Variants in CACNA1C observed in about 807,000 individuals in gnomAD.
The protein encoded by CACNA1C is calcium voltage-gated channel subunit alpha1 C, also known as voltage-dependent L-type calcium channel subunit alpha-1C.
A neutral mutation model predicts 229.0 loss-of-function variants in CACNA1C; 30 were observed. That is an observed-to-expected ratio of 0.13 (90% CI 0.10 to 0.18). The LOEUF is 0.18. Ranked by LOEUF, CACNA1C falls within the 10% of genes least tolerant of loss-of-function variation. The probability of loss-of-function intolerance (pLI) is 1.00; values close to 1 mark genes in which losing one functional copy is unlikely to be tolerated. For missense variants in CACNA1C, 1,658 were observed against 2,845.0 expected, an observed-to-expected ratio of 0.58 and a Z score of 9.49; for synonymous variants, 1,114 against 1,132.5, an observed-to-expected ratio of 0.98 and a Z score of 0.33.
In CACNA1C at chr12:2,314,955, C is replaced by T. The variant is rs375976126; in HGVS notation, c.478-134021C>T. The stretch of plus-strand genomic sequence containing the variant: ...ATGTAGAAAATGTGAGAACATTTAT[C>T]TCCTCAGCCCCTGCCGACTTGCCTT... On this transcript the variant is annotated intron_variant, in intron 3 of 46. Transcript: ENST00000399655. 3.3e-5 allele frequency among the ~76,000 whole-genome samples: 5 copies of T among 152,244 alleles called. No homozygotes were observed. The South Asian group carries it at 1.0e-3, about 32-fold the overall frequency.
chr12:2,387,564 A>G (rs1254589543), intron 3 of CACNA1C, among the ~76,000 whole-genome samples: 5 of 152,110 alleles, frequency 3.3e-5, no homozygotes, highest in Non-Finnish European at 1.5e-5. Context: ...AAAGAAAGCA[A>G]TGACTAATAA....
intron 3 of CACNA1C, chr12:2,269,829 G>C (rs1184173039): frequency 6.6e-6 from 1 of 152,154 alleles, no homozygotes. Flanking sequence ...GAGGAGGAAG[G>C]GGAGAAAATA....
Position 2,653,924 on chromosome 12 carries a change from C to A in CACNA1C, c.4140+24C>A, listed in dbSNP as rs753490817. 1.9e-6 allele frequency: 3 copies of A among 1,596,492 alleles called. No individual in the cohort carries two copies. The highest frequency in any genetic ancestry group is 1.7e-6 in the Non-Finnish European group (2 of 1,164,512). On this transcript the variant is annotated intron_variant, in intron 33 of 46. Coordinates refer to ENST00000399655, the MANE Select transcript of CACNA1C (RefSeq NM_000719.7). This position sits in a 1 kb window ranked among gnomAD's most constrained non-coding sequence, Gnocchi z 4.7. ...AGGTAGGGAGGCTCCCACCACGGGG[C>A]TCCTGGCCTCCCGCTCTGTCTCTCC...
chr12:2,162,503 A>G lies in CACNA1C; in HGVS notation c.477+42073A>G, dbSNP rs375736347. Among the ~76,000 whole-genome samples, 400 of 152,130 alleles carry G rather than the reference A, an allele frequency of 2.6e-3. 3 individuals carry two copies. Among genetic ancestry groups the G allele is most frequent in the African/African-American group, 9.0e-3 (374 of 41,492 alleles). ...CCACAAAACAAAAAATAAATAAAAG[A>G]AGGAGGAGGCCGTGTCTTTGAGGCA... On this transcript the variant is annotated intron_variant, in intron 3 of 46. Coordinates refer to ENST00000399655, the MANE Select transcript of CACNA1C (RefSeq NM_000719.7).
intron 3 of CACNA1C, among the ~76,000 whole-genome samples, chr12:2,409,064 C>T (rs1432888035): frequency 6.6e-6 from 1 of 152,180 alleles, no homozygotes; most frequent in African/African-American, 2.4e-5. Context: ...TCTTCTTGTC[C>T]TGTTAGTGTC....
At chr12:2,340,691 C>T (rs942054626) in intron 3 of CACNA1C, among the ~76,000 whole-genome samples, 12 of 152,242 alleles carry the variant, frequency 7.9e-5, no homozygotes, top group African/African-American at 2.9e-4. Context: ...GGTGTGGTGG[C>T]TCACGCCTGT....
At chr12:2,208,492 C>T (rs1163704395) in intron 3 of CACNA1C, among the ~76,000 whole-genome samples, 1 of 152,120 alleles carries the variant, frequency 6.6e-6, no homozygotes, top group African/African-American at 2.4e-5. Context: ...GTGGATGCCG[C>T]CGGCTGAGGG....
chr12:2,375,592 C>T (rs1304544951), intron 3 of CACNA1C, among the ~76,000 whole-genome samples: 1 of 152,184 alleles, frequency 6.6e-6, no homozygotes, highest in East Asian at 1.9e-4. Flanking sequence ...TTTCAACTTC[C>T]CATTTATAGT....
chr12:1,988,946 C>T (rs1489432991), intron 1 of CACNA1C, among the ~76,000 whole-genome samples: 1 of 152,164 alleles, frequency 6.6e-6, no homozygotes, highest in Non-Finnish European at 1.5e-5. Flanking sequence ...AGTTTTGGTC[C>T]TAAATATCTT....
chr12:2,372,433 G>A (rs956433529), intron 3 of CACNA1C, among the ~76,000 whole-genome samples: 8 of 152,222 alleles, frequency 5.3e-5, no homozygotes, highest in African/African-American at 1.9e-4. Flanking sequence ...AGCAACATCA[G>A]GTTGACTCGT....
At chr12:2,209,902 G>C (rs1284295622) in intron 3 of CACNA1C, among the ~76,000 whole-genome samples, 2 of 152,188 alleles carry the variant, frequency 1.3e-5, no homozygotes, top group East Asian at 1.9e-4. Flanking sequence ...TCTTAAAAAT[G>C]TGTGTCTGGT....
At chr12:1,991,556 T>G (rs2039425602) in intron 1 of CACNA1C, 2 of 250,112 alleles carry the variant, frequency 8.0e-6, no homozygotes, top group South Asian at 4.6e-5. Flanking sequence ...TTTCCTTTTT[T>G]TTTTGCACTG....
chr12:2,571,441 C>T (rs936441094), intron 13 of CACNA1C, among the ~76,000 whole-genome samples: 1 of 152,118 alleles, frequency 6.6e-6, no homozygotes, highest in Non-Finnish European at 1.5e-5. Context: ...AAATAATTCT[C>T]AAAAGTCCCT....
At chr12:2,144,606 G>T (rs1000688417) in intron 3 of CACNA1C, among the ~76,000 whole-genome samples, 6 of 151,216 alleles carry the variant, frequency 4.0e-5, no homozygotes, top group African/African-American at 1.5e-4. Context: ...AAATGTTTAG[G>T]TTTGGGGTGT....
intron 13 of CACNA1C, among the ~76,000 whole-genome samples, chr12:2,578,751 C>T (rs890223330): frequency 6.6e-6 from 1 of 152,206 alleles, no homozygotes; most frequent in South Asian, 2.1e-4. Flanking sequence ...CATCAGAGCA[C>T]GAACCCGGTG....
At chr12:2,329,530 A>G (rs1254451947) in intron 3 of CACNA1C, among the ~76,000 whole-genome samples, 3 of 152,188 alleles carry the variant, frequency 2.0e-5, no homozygotes, top group Admixed American at 6.5e-5. Context: ...AAGCAAGTGC[A>G]TCCTATTCTG....
chr12:2,402,950 G>T (rs1468615409), intron 3 of CACNA1C, among the ~76,000 whole-genome samples: 1 of 152,162 alleles, frequency 6.6e-6, no homozygotes, highest in Non-Finnish European at 1.5e-5. Context: ...TATGAGCAAG[G>T]TTATTTGCTT....
chr12:2,648,307 A>C (rs2094551007), intron 30 of CACNA1C, among the ~76,000 whole-genome samples, 168 bp from the exon 31 acceptor site: 1 of 152,168 alleles, frequency 6.6e-6, no homozygotes, highest in African/African-American at 2.4e-5. Context: ...CCCCACACTC[A>C]TGGGGACGCC....
chr12:2,476,504 C>T (rs1324159694), intron 5 of CACNA1C, among the ~76,000 whole-genome samples: 5 of 152,098 alleles, frequency 3.3e-5, no homozygotes, highest in Non-Finnish European at 7.4e-5. Flanking sequence ...CAGCAGGTGC[C>T]GAGTCCTCGG....
Sources: allele counts gnomAD v4.1 joint callset (sites outside exome capture counted in the v4.1 genomes callset), GRCh38; gene constraint gnomAD v4.1.1; non-coding constraint Gnocchi (gnomAD v3.1); transcripts MANE v1.5; gene names NCBI Gene and HGNC (gene_info 2026-07-23, HGNC 2026-07-21).